THRAP3: variants seen among roughly 807,000 people sequenced by gnomAD.
The protein encoded by THRAP3 is thyroid hormone receptor-associated protein 3.
THRAP3 carries 16 observed loss-of-function variants against 101.0 expected under a neutral mutation model. The observed-to-expected ratio is 0.16, with a 90% CI of 0.11 to 0.24. The LOEUF (loss-of-function observed/expected upper bound fraction) is 0.24, where lower values mean the gene tolerates loss of function less well. THRAP3 is among the 10% of genes least tolerant of loss of function. THRAP3 has a pLI of 1.00. For missense variants in THRAP3, 989 were observed against 1,202.7 expected, an observed-to-expected ratio of 0.82 and a Z score of 2.63; for synonymous variants, 407 against 422.6, an observed-to-expected ratio of 0.96 and a Z score of 0.45.
chr1:36,219,753 G>A (rs925149632), upstream of THRAP3, among the ~76,000 whole-genome samples: 1 of 152,200 alleles, frequency 6.6e-6, no homozygotes, highest in South Asian at 2.1e-4. Flanking sequence ...CAATGTAGAT[G>A]AAATAGCCTT....
chr1:36,256,232 T>C (rs972563531), intron 1 of THRAP3, among the ~76,000 whole-genome samples: 2 of 149,784 alleles, frequency 1.3e-5, no homozygotes, highest in African/African-American at 4.9e-5. Context: ...ATTATTATTA[T>C]TATTACTTTT....
intron 1 of THRAP3, among the ~76,000 whole-genome samples, chr1:36,246,082 G>A (rs967876991): frequency 6.6e-6 from 1 of 152,158 alleles, no homozygotes; most frequent in Non-Finnish European, 1.5e-5. Context: ...ATCCAGGATT[G>A]CACAGCTAGT....
rs374632224 is a variant in THRAP3, at chr1:36,286,698, C to G, written c.468C>G (p.Arg156=). The change falls in exon 4 of 12, where the codon CGC becomes CGG. Residue 156 remains arginine (R), a synonymous_variant. Coordinates refer to ENST00000354618, the MANE Select transcript of THRAP3 (RefSeq NM_005119.4). This position sits in a 1 kb window ranked among gnomAD's most constrained non-coding sequence, Gnocchi z 5.5. ...AGTCGTCTTCTGACCGGTCAAGGCG[C>G]TCCTCATCCTCCCGTTCTTCCTCCA... The part of the protein sequence containing the change: ...SDKSSSDRSR[R]SSSSRSSSNH... 1.3e-5 allele frequency: 21 copies of G among 1,614,112 alleles called. No homozygotes were observed. The highest frequency in any genetic ancestry group is 1.8e-5 in the Non-Finnish European group (21 of 1,180,048).
rs759813367 is a variant in THRAP3 at position 36,293,974 on chromosome 1, G to A, written c.2115+39G>A. On this transcript the variant is annotated intron_variant, in intron 8 of 11. Transcript: ENST00000354618. ...TTGATCAGTAATTCCAACAAAATGA[G>A]TGCGTTGGGCATGAACTTGACAGAA... 1.9e-6 allele frequency: 3 copies of A among 1,595,490 alleles called. No individual in the cohort carries two copies. The Admixed American group carries it at 5.0e-5, about 27-fold the overall frequency.
the THRAP3 span, among the ~76,000 whole-genome samples, chr1:36,211,257 A>T: frequency 6.6e-6 from 1 of 151,950 alleles, no homozygotes; most frequent in Non-Finnish European, 1.5e-5. Context: ...GCTACTAGGC[A>T]GGCTGAGGTG....
Position 36,257,170 on chromosome 1 carries a change from T to G in THRAP3, c.-134-2212T>G, listed in dbSNP as rs905006995. Among the ~76,000 whole-genome samples, 3 of 152,156 alleles carry G rather than the reference T, an allele frequency of 2.0e-5. No homozygotes were observed. In the East Asian group the frequency reaches 5.8e-4, roughly 29 times the overall value. On this transcript the variant is annotated intron_variant, in intron 1 of 11. Transcript: ENST00000354618. ...TGTTTCCTCCCCAGGGTCTTTGCAT[T>G]TGCTGTTTCCTCAGATAAGGCCCAG... is the stretch of plus-strand genomic sequence containing the variant.
chr1:36,226,851 A>AG (rs1357449005), intron 1 of THRAP3, among the ~76,000 whole-genome samples: 1 of 152,184 alleles, frequency 6.6e-6, no homozygotes, highest in Non-Finnish European at 1.5e-5. Flanking sequence ...ATGACAGATG[A>AG]GGTCTTGTCT....
rs190354620 is a variant in THRAP3 at position 36,257,889 on chromosome 1, G to A, written c.-134-1493G>A. On this transcript the variant is annotated intron_variant, in intron 1 of 11. Transcript: ENST00000354618. ...AGAGTCTCGCTCTGTCACCCACGCT[G>A]GAGTGCAATGGCACGATCTCGGCAC... Among the ~76,000 whole-genome samples the A allele has an allele frequency of 8.1e-4, 123 of 152,294 alleles. 5 individuals carry two copies. In the East Asian group the frequency reaches 0.021, roughly 26 times the overall value.
intron 1 of THRAP3, among the ~76,000 whole-genome samples, chr1:36,254,519 G>A (rs1314831591): frequency 6.6e-6 from 1 of 152,174 alleles, no homozygotes; most frequent in African/African-American, 2.4e-5. Context: ...GCCTATGCAT[G>A]GTATGTGAAA....
the THRAP3 span, among the ~76,000 whole-genome samples, chr1:36,210,726 T>TATATCATATATATATCATATATATATATG: frequency 5.4e-4 from 1 of 1,848 alleles, no homozygotes; most frequent in Non-Finnish European, 1.5e-3. Flanking sequence ...TATATATATA[T>TATATCATATATATATCATATATATATATG]ATATATATAT....
intron 9 of THRAP3, 108 bp downstream of exon 9, chr1:36,296,878 A>G: frequency 6.0e-6 from 5 of 831,514 alleles, no homozygotes; most frequent in Non-Finnish European, 8.7e-6. Context: ...TAGTAATTAT[A>G]GCAACCTGTT....
At chr1:36,214,763 G>A in the THRAP3 span, among the ~76,000 whole-genome samples, 22 of 152,032 alleles carry the variant, frequency 1.4e-4, no homozygotes, top group South Asian at 3.5e-3. Flanking sequence ...GGAGACTGAG[G>A]CAGGAGAATC....
intron 9 of THRAP3, among the ~76,000 whole-genome samples, chr1:36,300,046 C>A (rs1646012570): frequency 6.6e-6 from 1 of 152,178 alleles, no homozygotes; most frequent in African/African-American, 2.4e-5. Context: ...GGGATCCTGG[C>A]CTTGCTGCCC....
chr1:36,299,846 G>A (rs914394559), intron 9 of THRAP3, among the ~76,000 whole-genome samples: 2 of 152,102 alleles, frequency 1.3e-5, no homozygotes, highest in African/African-American at 4.8e-5. Context: ...GAAATAGCAC[G>A]GATGTTTAGT....
chr1:36,230,137 T>A (rs920541024), intron 1 of THRAP3, among the ~76,000 whole-genome samples: 42 of 151,114 alleles, frequency 2.8e-4, no homozygotes, highest in African/African-American at 1.0e-3. Context: ...TTTCTTTTTT[T>A]TTAGACGGAG....
At chr1:36,301,467 G>C in intron 10 of THRAP3, 86 bp from the exon 11 acceptor site, 1 of 1,525,110 alleles carries the variant, frequency 6.6e-7, no homozygotes, top group South Asian at 1.3e-5. Flanking sequence ...TTCCACACCA[G>C]AAAAATGTTT....
At chr1:36,228,514 T>A (rs1644988683) in intron 1 of THRAP3, among the ~76,000 whole-genome samples, 1 of 152,202 alleles carries the variant, frequency 6.6e-6, no homozygotes, top group Non-Finnish European at 1.5e-5. Context: ...CCAGCGCATC[T>A]GGCCTAATTT....
At chr1:36,247,233 C>G (rs1570257748) in intron 1 of THRAP3, among the ~76,000 whole-genome samples, 1 of 152,076 alleles carries the variant, frequency 6.6e-6, no homozygotes, top group African/African-American at 2.4e-5. Flanking sequence ...AGGAGAAGCT[C>G]TTGAACCTGG....
intron 2 of THRAP3, among the ~76,000 whole-genome samples, chr1:36,276,755 G>T (rs949397797): frequency 2.6e-5 from 4 of 151,480 alleles, no homozygotes; most frequent in Non-Finnish European, 5.9e-5. Flanking sequence ...TACTCGAGAG[G>T]CTGAGGCAAG....
Sources: gnomAD v4.1 joint callset for allele counts (sites outside exome capture counted in the v4.1 genomes callset) on GRCh38, gnomAD v4.1.1 for gene constraint, Gnocchi (gnomAD v3.1) non-coding constraint, MANE v1.5 for transcripts, NCBI Gene and HGNC (gene_info 2026-07-23, HGNC 2026-07-21) for gene names.